The following IDH3A variants were observed in gnomAD, a reference collection of about 807,000 sequenced individuals.
The protein encoded by IDH3A is isocitrate dehydrogenase [NAD] subunit alpha, mitochondrial.
In IDH3A, 23 loss-of-function variants were observed where a neutral mutation model predicts 43.3. That is an observed-to-expected ratio of 0.53 (90% CI 0.38 to 0.75). IDH3A has a LOEUF of 0.75. Ranked by LOEUF, IDH3A falls within the 30% of genes least tolerant of loss-of-function variation. The pLI, the probability that IDH3A is intolerant of heterozygous loss-of-function variation, is 0.00. For missense variants in IDH3A, 329 were observed against 474.4 expected (o/e 0.69, Z 2.85); for synonymous variants, 154 against 163.5 (o/e 0.94, Z 0.44).
At chr15:78,165,332 C>G (rs1025940684) in intron 9 of IDH3A, among the ~76,000 whole-genome samples, 2 of 151,744 alleles carry the variant, frequency 1.3e-5, no homozygotes, top group Admixed American at 6.6e-5. Flanking sequence ...GCTGGGATTA[C>G]AGGTGTGAGC....
chr15:78,156,919 C>A (rs1672196132), intron 2 of IDH3A: 1 of 1,351,706 alleles, frequency 7.4e-7, no homozygotes, highest in African/African-American at 1.5e-5. Flanking sequence ...TCAACTTTGC[C>A]AAGCTTATGT....
intron 10 of IDH3A, chr15:78,168,685 G>T (rs768543695): frequency 3.0e-6 from 1 of 327,910 alleles, no homozygotes; most frequent in Non-Finnish European, 5.6e-6. Flanking sequence ...GCCTCCCTTT[G>T]CATCAAGAGC....
At position 78,164,764 on chromosome 15, in the gene IDH3A, TG is replaced by T. The variant is rs1177609828; in HGVS notation, c.780-227del. 2.0e-5 allele frequency among the ~76,000 whole-genome samples: 3 copies of T among 152,214 alleles called. No individual in the cohort carries two copies. In the East Asian group the frequency reaches 5.8e-4, roughly 29 times the overall value. On this transcript the variant is annotated intron_variant, in intron 8 of 10. Coordinates refer to ENST00000299518, the MANE Select transcript of IDH3A (RefSeq NM_005530.3). ...GGGGGTCCCTTCACCATGTCTTCTG[TG>T]TCCTTTAGACACGGCCCTTTGTTCT...
At chr15:78,162,572 G>A (rs1352898179) in intron 6 of IDH3A, among the ~76,000 whole-genome samples, 1 of 141,044 alleles carries the variant, frequency 7.1e-6, no homozygotes, top group Non-Finnish European at 1.5e-5. Context: ...TTGAGACGGA[G>A]TCTCTTTCTG....
At chr15:78,168,735 A>T in intron 10 of IDH3A, 187 bp from the exon 11 acceptor site, 1 of 545,140 alleles carries the variant, frequency 1.8e-6, no homozygotes, top group Non-Finnish European at 3.3e-6. Flanking sequence ...ACACTATGAG[A>T]TTGGATCCCG....
chr15:78,161,853 C>G lies in IDH3A; in HGVS notation c.477+85C>G. The G allele has an allele frequency of 1.7e-6, 2 of 1,191,704 alleles. No individual in the cohort carries two copies. Among genetic ancestry groups the G allele is most frequent in the Non-Finnish European group, 2.4e-6 (2 of 818,746 alleles). The allele number at this position is 1,191,704 out of a possible 1,614,324, so 73.8% of individuals were successfully genotyped here. A position where few individuals can be genotyped will look rare whatever the true frequency, so the allele number is the denominator to read the frequency against. ...CCCCAGAGACAGATCTGCTTTATCTCTGTGAGGAGTTGTGGGTGTTTGTCT... is the reference window on the plus strand; with the variant it reads ...CCCCAGAGACAGATCTGCTTTATCTGTGTGAGGAGTTGTGGGTGTTTGTCT... On this transcript the variant is annotated intron_variant, in intron 5 of 10. Coordinates refer to ENST00000299518, the MANE Select transcript of IDH3A (RefSeq NM_005530.3). The surrounding 1 kb of genome is among the most constrained non-coding windows in gnomAD (Gnocchi z 4.8).
At chr15:78,156,851 T>A in intron 2 of IDH3A, 1 of 1,292,056 alleles carries the variant, frequency 7.7e-7, no homozygotes, top group Non-Finnish European at 1.0e-6. Context: ...ATTGTCATTC[T>A]AAGTGTGACT....
rs1033207881 is a variant in IDH3A, at chr15:78,149,432, T to C, written c.27+2T>C. On this transcript the variant is annotated splice_donor_variant, in intron 1 of 10. Coordinates refer to ENST00000299518, the MANE Select transcript of IDH3A (RefSeq NM_005530.3). LOFTEE classifies it high-confidence loss of function. ...GCTGGGCCCGCGTGGATCTCTAAGG[T>C]GAGCGCTGGCAGGCCGGCGTGTGGC... 9 of 1,542,686 alleles carry C rather than the reference T, an allele frequency of 5.8e-6. No homozygotes were observed. The highest frequency in any genetic ancestry group is 7.8e-6 in the Non-Finnish European group (9 of 1,151,794).
At chr15:78,150,091 A>G (rs1365019553) in intron 1 of IDH3A, among the ~76,000 whole-genome samples, 4 of 152,234 alleles carry the variant, frequency 2.6e-5, no homozygotes, top group African/African-American at 9.6e-5. Flanking sequence ...CTTCGGAGAG[A>G]GAGACCAGCA....
chr15:78,166,364 G>A, intron 10 of IDH3A, 62 bp downstream of exon 10: 1 of 1,510,344 alleles, frequency 6.6e-7, no homozygotes, highest in Non-Finnish European at 9.2e-7. Flanking sequence ...TGTTTTATCT[G>A]AGTGAAAGGG....
chr15:78,162,176 T>C (rs1433178260), intron 5 of IDH3A, 58 bp from the exon 6 acceptor site: 3 of 1,600,990 alleles, frequency 1.9e-6, no homozygotes, highest in Non-Finnish European at 2.6e-6. Context: ...CCACCCTCTG[T>C]CTCCCACTGC....
At chr15:78,166,989 G>C (rs2074751245) in intron 10 of IDH3A, among the ~76,000 whole-genome samples, 1 of 152,188 alleles carries the variant, frequency 6.6e-6, no homozygotes, top group African/African-American at 2.4e-5. Context: ...TCTGTTGAGT[G>C]TACCTTATAA....
intron 9 of IDH3A, among the ~76,000 whole-genome samples, chr15:78,165,339 G>T (rs1222234322): frequency 2.0e-5 from 3 of 151,938 alleles, no homozygotes; most frequent in African/African-American, 7.3e-5. Context: ...TTACAGGTGT[G>T]AGCCACCACA....
At chr15:78,164,354 ATT>A (rs144772337) in intron 8 of IDH3A, among the ~76,000 whole-genome samples, 18 of 116,528 alleles carry the variant, frequency 1.5e-4, no homozygotes, top group Admixed American at 2.7e-4. Context: ...GGTGATTTTC[ATT>A]TTTTTTTTTT....
chr15:78,171,492 C>A lies in IDH3A; in HGVS notation c.*2487C>A. ...AGGAGTCAATGATACCTTTGTACTT[C>A]TCCAAAACTGTGAGCCGTTTCAGTT... On this transcript the variant is annotated 3_prime_UTR_variant, in exon 11 of 11. Coordinates refer to ENST00000299518, the MANE Select transcript of IDH3A (RefSeq NM_005530.3). 6.2e-7 allele frequency: 1 copy of A among 1,614,176 alleles called. No homozygotes were observed. The highest frequency in any genetic ancestry group is 8.5e-7 in the Non-Finnish European group (1 of 1,180,020).
chr15:78,157,628 C>T lies in IDH3A; in HGVS notation c.171C>T (p.Ala57=). 1.6e-5 allele frequency: 25 copies of T among 1,605,388 alleles called. No individual in the cohort carries two copies. The highest frequency in any genetic ancestry group is 2.1e-5 in the Non-Finnish European group (25 of 1,173,412). Residue 57 remains alanine, a synonymous_variant, in exon 3 of 11, where the codon GCC becomes GCT. Transcript: ENST00000299518. ...CAGTTATGAAGATTTTTGATGCTGC[C>T]AAAGTAAGTGGGCTTAAAAAATACA... The part of the protein sequence containing the change: ...SAAVMKIFDA[A]KAPIQWEERN...
At chr15:78,149,496 G>C in intron 1 of IDH3A, 66 bp downstream of exon 1, 1 of 1,418,418 alleles carries the variant, frequency 7.1e-7, no homozygotes, top group African/African-American at 1.5e-5. Context: ...AGAGCCGGTC[G>C]CGTGCCGGGT....
At position 78,161,561 on chromosome 15, in the gene IDH3A, G is replaced by A. The variant is rs2074681456; in HGVS notation, c.290-20G>A. 3.7e-6 allele frequency: 6 copies of A among 1,605,862 alleles called. No homozygotes were observed. The highest frequency in any genetic ancestry group is 5.1e-6 in the Non-Finnish European group (6 of 1,177,152). On this transcript the variant is annotated intron_variant, in intron 4 of 10. Coordinates refer to ENST00000299518, the MANE Select transcript of IDH3A (RefSeq NM_005530.3). This position sits in a 1 kb window ranked among gnomAD's most constrained non-coding sequence, Gnocchi z 4.8. ...CCAGAATTCCTTCTAGTGTCATCTG[G>A]GTTTTCTTCTGTATAACAGGCCCTT...
chr15:78,151,633 T>A (rs2074576445), intron 1 of IDH3A: 1 of 152,046 alleles, frequency 6.6e-6, no homozygotes, highest in Non-Finnish European at 1.5e-5. Context: ...TTACATGTTT[T>A]TAAGTTAAAA....
Sources: allele counts gnomAD v4.1 joint callset (sites outside exome capture counted in the v4.1 genomes callset), GRCh38; gene constraint gnomAD v4.1.1; non-coding constraint Gnocchi (gnomAD v3.1); transcripts MANE v1.5; gene names NCBI Gene and HGNC (gene_info 2026-07-23, HGNC 2026-07-21).